LRP1B: variants seen among roughly 807,000 people sequenced by gnomAD.
The protein encoded by LRP1B is LDL receptor related protein 1B.
A neutral mutation model predicts 556.6 loss-of-function variants in LRP1B; 217 were observed. The ratio of observed to expected loss-of-function variants is 0.39; its 90% CI spans 0.35 to 0.44. LRP1B has a LOEUF of 0.44. Ranked by LOEUF, LRP1B falls within the 20% of genes least tolerant of loss-of-function variation. The pLI is 1.00. For missense variants in LRP1B, 5,053 were observed against 5,620.8 expected (o/e 0.90, Z 3.23); for synonymous variants, 2,047 against 1,865.8 (o/e 1.10, Z -2.50).
intron 43 of LRP1B, among the ~76,000 whole-genome samples, chr2:140,585,161 T>C (rs1681934704): frequency 6.6e-6 from 1 of 152,116 alleles, no homozygotes; most frequent in South Asian, 2.1e-4. Flanking sequence ...GTAGTGAATG[T>C]AGTTACACAA....
At chr2:140,334,020 C>CAAAACAAAACA (rs1553449074) in intron 79 of LRP1B, among the ~76,000 whole-genome samples, 3 of 142,998 alleles carry the variant, frequency 2.1e-5, no homozygotes, top group Admixed American at 7.1e-5. Flanking sequence ...CAAAACAAAA[C>CAAAACAAAACA]AAAAAAAAAA....
intron 2 of LRP1B, among the ~76,000 whole-genome samples, chr2:141,550,615 C>T (rs930543794): frequency 2.6e-5 from 4 of 152,052 alleles, no homozygotes; most frequent in African/African-American, 9.7e-5. Context: ...TTTGGATATT[C>T]GTTCAACCTC....
chr2:141,062,620 G>A (rs947811175), intron 7 of LRP1B, among the ~76,000 whole-genome samples: 3 of 151,742 alleles, frequency 2.0e-5, no homozygotes, highest in African/African-American at 4.8e-5. Flanking sequence ...AAGTCACCAG[G>A]CCAGGGCATG....
chr2:140,362,920 A>G (rs1682584532), intron 72 of LRP1B, among the ~76,000 whole-genome samples: 1 of 151,594 alleles, frequency 6.6e-6, no homozygotes, highest in Admixed American at 6.6e-5. Context: ...TTTCATCATT[A>G]TATCACCAAA....
rs1050762315 is a variant in LRP1B at position 141,608,360 on chromosome 2, C to T, written c.206-127827G>A. Among the ~76,000 whole-genome samples, 13 of 152,260 alleles carry T rather than the reference C, an allele frequency of 8.5e-5. No individual in the cohort carries two copies. In the East Asian group the frequency reaches 1.7e-3, roughly 20 times the overall value. ...TCTGCTCCAAATAGCACAAAAGACA[C>T]GATTGGTGGTAATGGGAGCAACAGT... On this transcript the variant is annotated intron_variant, in intron 2 of 90. Coordinates refer to ENST00000389484, the MANE Select transcript of LRP1B (RefSeq NM_018557.3).
intron 29 of LRP1B, among the ~76,000 whole-genome samples, chr2:140,849,550 T>C (rs906776786): frequency 3.2e-4 from 49 of 152,218 alleles, no homozygotes; most frequent in African/African-American, 1.2e-3. Flanking sequence ...ATTTTTATTT[T>C]TTTGGAGAGA....
At chr2:141,599,935 T>A (rs772797393) in intron 2 of LRP1B, among the ~76,000 whole-genome samples, 3 of 152,040 alleles carry the variant, frequency 2.0e-5, no homozygotes, top group Non-Finnish European at 4.4e-5. Context: ...ATTTTCTGCC[T>A]CCACTCACTC....
intron 41 of LRP1B, among the ~76,000 whole-genome samples, chr2:140,654,381 C>A (rs1288520479): frequency 1.3e-5 from 2 of 151,954 alleles, no homozygotes; most frequent in Non-Finnish European, 2.9e-5. Flanking sequence ...TAAGAAATAT[C>A]TCGGTATTTA....
At chr2:141,744,926 AGTT>A (rs942102058) in intron 2 of LRP1B, among the ~76,000 whole-genome samples, 1 of 152,174 alleles carries the variant, frequency 6.6e-6, no homozygotes, top group African/African-American at 2.4e-5. Context: ...GTAATACTGT[AGTT>A]GTTGTTGACT....
chr2:141,814,224 T>C (rs1412225314), intron 1 of LRP1B, among the ~76,000 whole-genome samples: 4 of 152,076 alleles, frequency 2.6e-5, no homozygotes. Context: ...AAGTAGTCAA[T>C]TTTCTTCATC....
At chr2:141,541,878 G>T (rs749594498) in intron 2 of LRP1B, among the ~76,000 whole-genome samples, 1 of 151,972 alleles carries the variant, frequency 6.6e-6, no homozygotes, top group Non-Finnish European at 1.5e-5. Context: ...AGGAAAGCTA[G>T]AAATCTGTAA....
intron 3 of LRP1B, among the ~76,000 whole-genome samples, chr2:141,446,588 C>A (rs1408827485): frequency 6.6e-6 from 1 of 152,078 alleles, no homozygotes; most frequent in African/African-American, 2.4e-5. Flanking sequence ...TTCAGGAGCT[C>A]TTGTAAGGCA....
intron 1 of LRP1B, among the ~76,000 whole-genome samples, chr2:141,843,315 A>G (rs1232247721): frequency 6.6e-6 from 1 of 152,178 alleles, no homozygotes; most frequent in Non-Finnish European, 1.5e-5. Flanking sequence ...TTGGTTACAT[A>G]TAATCCATCA....
intron 11 of LRP1B, among the ~76,000 whole-genome samples, chr2:141,046,481 T>A (rs763624976): frequency 2.6e-5 from 4 of 152,148 alleles, no homozygotes; most frequent in Non-Finnish European, 4.4e-5. Context: ...GATAAACTAA[T>A]AAAAGATATT....
chr2:141,197,217 T>C (rs1304911754), intron 6 of LRP1B, among the ~76,000 whole-genome samples: 1 of 152,114 alleles, frequency 6.6e-6, no homozygotes, highest in Non-Finnish European at 1.5e-5. Context: ...GGGGTTGTAT[T>C]AGGGAACCTA....
chr2:140,535,352 A>G (rs1690903391), intron 46 of LRP1B, among the ~76,000 whole-genome samples: 1 of 152,178 alleles, frequency 6.6e-6, no homozygotes, highest in Non-Finnish European at 1.5e-5. Flanking sequence ...GAATATAGCC[A>G]TTCATTAAAG....
At chr2:141,663,611 C>A (rs186388078) in intron 2 of LRP1B, among the ~76,000 whole-genome samples, 19 of 152,200 alleles carry the variant, frequency 1.2e-4, no homozygotes, top group Non-Finnish European at 2.4e-4. Flanking sequence ...CATTTCTGGA[C>A]AATGCGCCCT....
chr2:141,938,706 T>A (rs1700706910), intron 1 of LRP1B, among the ~76,000 whole-genome samples: 1 of 152,132 alleles, frequency 6.6e-6, no homozygotes, highest in Non-Finnish European at 1.5e-5. Flanking sequence ...TGTCAACAGA[T>A]GAATGGGTAA....
intron 15 of LRP1B, among the ~76,000 whole-genome samples, chr2:140,999,217 A>G (rs1697340036): frequency 6.6e-6 from 1 of 152,124 alleles, no homozygotes; most frequent in Admixed American, 6.6e-5. Context: ...TTTGAAAGGA[A>G]GCTAGGCAAG....
Sources: allele counts gnomAD v4.1 joint callset (sites outside exome capture counted in the v4.1 genomes callset), GRCh38; gene constraint gnomAD v4.1.1; transcripts MANE v1.5; gene names NCBI Gene and HGNC (gene_info 2026-07-23, HGNC 2026-07-21).